Variants in IL1RAPL2 observed in about 807,000 individuals in gnomAD.
IL1RAPL2 encodes X-linked interleukin-1 receptor accessory protein-like 2.
In IL1RAPL2, 3 loss-of-function variants were observed where a neutral mutation model predicts 44.1. The observed-to-expected ratio is 0.07, with a 90% confidence interval of 0.03 to 0.18. The LOEUF is 0.18. Among genes scored for constraint, IL1RAPL2 ranks in the 10% least tolerant of loss-of-function variants. The pLI, the probability that IL1RAPL2 is intolerant of heterozygous loss-of-function variation, is 1.00. For synonymous variants in IL1RAPL2, 181 were observed against 178.8 expected (o/e 1.01, Z -0.10); for missense variants, 391 against 496.4 (o/e 0.79, Z 2.02).
chrX:104,831,887 T>C (rs1225960468), intron 2 of IL1RAPL2, among the ~76,000 whole-genome samples: 2 of 112,148 alleles, frequency 1.8e-5, no homozygotes, highest in Non-Finnish European at 3.8e-5. Flanking sequence ...CATTTTCCGA[T>C]CTCTTCTTAC....
At chrX:105,396,664 T>C (rs1302448377) in intron 5 of IL1RAPL2, among the ~76,000 whole-genome samples, 2 of 106,635 alleles carry the variant, frequency 1.9e-5, no homozygotes, top group African/African-American at 6.8e-5. Flanking sequence ...ATGAAGTCCT[T>C]GATAAGACCA....
rs753024949 is a variant in IL1RAPL2 at position 105,312,611 on chromosome X, AT to A, written c.697+45076del. Among the ~76,000 whole-genome samples the A allele has an allele frequency of 2.1e-4, 23 of 111,898 alleles. 1 individual carries two copies. In the East Asian group the frequency reaches 6.5e-3, roughly 31 times the overall value. On this transcript the variant is annotated intron_variant, in intron 5 of 10. Coordinates refer to ENST00000372582, the MANE Select transcript of IL1RAPL2 (RefSeq NM_017416.2). ...CTCAGGAATTATATGGAATCTTTGCATTTTTTAAAAGGATATTTAGGACTTT... is the reference window on the plus strand; with the variant it reads ...CTCAGGAATTATATGGAATCTTTGCATTTTTAAAAGGATATTTAGGACTTT...
chrX:105,609,125 A>G (rs1156739067), intron 6 of IL1RAPL2, among the ~76,000 whole-genome samples: 1 of 111,942 alleles, frequency 8.9e-6, no homozygotes, highest in Non-Finnish European at 1.9e-5. Context: ...AATATTTTAA[A>G]GATTTTAGAA....
At chrX:104,657,914 G>A (rs1379401892) in intron 1 of IL1RAPL2, among the ~76,000 whole-genome samples, 2 of 112,110 alleles carry the variant, frequency 1.8e-5, no homozygotes, top group African/African-American at 3.2e-5. Flanking sequence ...AAACCACAAT[G>A]AGATACCATC....
intron 7 of IL1RAPL2, among the ~76,000 whole-genome samples, chrX:105,731,338 G>A (rs902312609): frequency 2.7e-5 from 3 of 110,138 alleles, no homozygotes; most frequent in African/African-American, 9.9e-5. Flanking sequence ...AAGTGAACCC[G>A]AACAGACCAA....
intron 2 of IL1RAPL2, among the ~76,000 whole-genome samples, chrX:104,676,855 T>G (rs1049807448): frequency 3.6e-5 from 4 of 112,114 alleles, no homozygotes; most frequent in Non-Finnish European, 5.6e-5. Flanking sequence ...TCATTTTATC[T>G]TCCATCGCTG....
At chrX:105,431,457 T>C (rs2035846871) in intron 5 of IL1RAPL2, among the ~76,000 whole-genome samples, 1 of 111,549 alleles carries the variant, frequency 9.0e-6, no homozygotes, top group Non-Finnish European at 1.9e-5. Flanking sequence ...ACCTCCCTTA[T>C]AGGTATTCTC....
intron 6 of IL1RAPL2, among the ~76,000 whole-genome samples, chrX:105,665,344 C>CGTGTGTGT (rs58453498): frequency 6.0e-4 from 59 of 98,553 alleles, no homozygotes; most frequent in African/African-American, 1.1e-3. Context: ...TATGCGCGTG[C>CGTGTGTGT]GTGTGTGTGT....
intron 9 of IL1RAPL2, among the ~76,000 whole-genome samples, chrX:105,750,475 TTATTA>T (rs1479793566): frequency 1.9e-5 from 2 of 103,017 alleles, no homozygotes; most frequent in Non-Finnish European, 3.9e-5. Context: ...ATTATTATTA[TTATTA>T]TTTCTTGTAA....
intron 1 of IL1RAPL2, among the ~76,000 whole-genome samples, chrX:104,611,062 A>G (rs374949391): frequency 1.8e-5 from 2 of 111,594 alleles, no homozygotes; most frequent in African/African-American, 6.5e-5. Context: ...TCCAGATGCC[A>G]GCCAGAGCTC....
In IL1RAPL2 at chrX:104,791,115, G is replaced by A. The variant is rs72616878; in HGVS notation, c.82+132120G>A. On this transcript the variant is annotated intron_variant, in intron 2 of 10. Coordinates refer to ENST00000372582, the MANE Select transcript of IL1RAPL2 (RefSeq NM_017416.2). ...GAGACTGAACCAGAAGGTTGATCAG[G>A]CTTTGGTATAGGAGAAAGAAATAGC... Among the ~76,000 whole-genome samples, 295 of 110,899 alleles carry A rather than the reference G, an allele frequency of 2.7e-3. 8 individuals are homozygous for A. In the East Asian group the frequency reaches 0.073, roughly 28 times the overall value.
intron 6 of IL1RAPL2, among the ~76,000 whole-genome samples, chrX:105,531,164 C>T (rs996922824): frequency 1.8e-5 from 2 of 111,405 alleles, no homozygotes; most frequent in Non-Finnish European, 3.8e-5. Context: ...TTTACGTTAC[C>T]ACCAACACTG....
intron 2 of IL1RAPL2, among the ~76,000 whole-genome samples, chrX:104,692,228 T>C (rs1931102166): frequency 9.0e-6 from 1 of 111,084 alleles, no homozygotes; most frequent in Non-Finnish European, 1.9e-5. Flanking sequence ...CAGCCATATA[T>C]CAAATGTAGT....
intron 2 of IL1RAPL2, among the ~76,000 whole-genome samples, chrX:104,908,674 C>T (rs1262701995): frequency 9.0e-6 from 1 of 111,231 alleles, no homozygotes; most frequent in African/African-American, 3.3e-5. Context: ...GAGAGATCCG[C>T]TGTTAGTCTG....
intron 1 of IL1RAPL2, among the ~76,000 whole-genome samples, chrX:104,607,763 GC>G (rs1490384117): frequency 1.2e-4 from 13 of 112,095 alleles, no homozygotes; most frequent in Non-Finnish European, 1.7e-4. Flanking sequence ...AAATAGGGAT[GC>G]TTTTACACTG....
intron 2 of IL1RAPL2, among the ~76,000 whole-genome samples, chrX:105,088,016 T>C (rs1238498240): frequency 2.7e-5 from 3 of 112,299 alleles, no homozygotes; most frequent in Admixed American, 1.9e-4. Context: ...ACATACTCCA[T>C]TGCATGACTC....
At chrX:104,916,938 A>C (rs1420760295) in intron 2 of IL1RAPL2, among the ~76,000 whole-genome samples, 1 of 111,385 alleles carries the variant, frequency 9.0e-6, no homozygotes, top group Admixed American at 9.6e-5. Context: ...CATGGTGGAT[A>C]AGCTTTTTGA....
At chrX:105,402,965 C>G (rs1485902846) in intron 5 of IL1RAPL2, among the ~76,000 whole-genome samples, 1 of 111,878 alleles carries the variant, frequency 8.9e-6, no homozygotes, top group Non-Finnish European at 1.9e-5. Flanking sequence ...CTACTCTAAG[C>G]TTTGCAAATC....
intron 2 of IL1RAPL2, among the ~76,000 whole-genome samples, chrX:105,019,519 C>A (rs1275554698): frequency 9.0e-6 from 1 of 111,367 alleles, no homozygotes; most frequent in Non-Finnish European, 1.9e-5. Flanking sequence ...CCCTCATAAT[C>A]AGTAGGTAAT....
Sources: gnomAD v4.1 joint callset for allele counts (sites outside exome capture counted in the v4.1 genomes callset) on GRCh38, gnomAD v4.1.1 for gene constraint, MANE v1.5 for transcripts, NCBI Gene and HGNC (gene_info 2026-07-23, HGNC 2026-07-21) for gene names.